MRAP: variants seen among roughly 807,000 people sequenced by gnomAD.
MRAP encodes the protein melanocortin 2 receptor accessory protein, also known as melanocortin-2 receptor accessory protein.
Under a neutral mutation model 8.7 loss-of-function variants are expected in MRAP, and 8 were observed. The ratio of observed to expected loss-of-function variants is 0.92; its 90% CI spans 0.54 to 1.66. The LOEUF (loss-of-function observed/expected upper bound fraction) is 1.66. Among genes scored for constraint, MRAP ranks in the 40% most tolerant of loss-of-function variants. The probability of loss-of-function intolerance (pLI) is 0.00; values close to 1 mark genes in which losing one functional copy is unlikely to be tolerated. For synonymous variants in MRAP, 95 were observed against 95.5 expected, an observed-to-expected ratio of 1.00 and a Z score of 0.03; for missense variants, 237 against 217.1, an observed-to-expected ratio of 1.09 and a Z score of -0.58.
chr21:32,309,565 C>T (rs562663050), intron 2 of MRAP, among the ~76,000 whole-genome samples: 2 of 150,664 alleles, frequency 1.3e-5, no homozygotes, highest in African/African-American at 4.9e-5. Flanking sequence ...TATTCTCTTG[C>T]CTCAGCCTCC....
chr21:32,314,288 G>A (rs914676416), downstream of MRAP: 13 of 392,638 alleles, frequency 3.3e-5, 1 homozygote, highest in South Asian at 1.1e-4. Context: ...AGGTTCAAGC[G>A]ATTCCCCTGC....
chr21:32,302,659 C>T (rs73901391), intron 1 of MRAP, among the ~76,000 whole-genome samples: 182 of 152,304 alleles, frequency 1.2e-3, no homozygotes, highest in African/African-American at 4.2e-3. Flanking sequence ...CATGGCTGCC[C>T]TCATCCTCAG....
chr21:32,308,063 T>C (rs1474915570), intron 2 of MRAP, among the ~76,000 whole-genome samples: 2 of 152,050 alleles, frequency 1.3e-5, no homozygotes, highest in Non-Finnish European at 2.9e-5. Context: ...GCCGGCCAGC[T>C]CACCAGGAAC....
In MRAP at chr21:32,312,061, T is replaced by C. The variant is rs1386618996; in HGVS notation, c.*65T>C. 6.2e-7 allele frequency: 1 copy of C among 1,607,230 alleles called. No homozygotes were observed. The highest frequency in any genetic ancestry group is 8.5e-7 in the Non-Finnish European group (1 of 1,179,850). ...ATCAAGCCAACCTGGACACATACGT[T>C]CCTCGTTCTTCTTAGAGGCCATTTG... On this transcript the variant is annotated 3_prime_UTR_variant, in exon 3 of 3. Coordinates refer to ENST00000303645, the MANE Select transcript of MRAP (RefSeq NM_001379228.1).
intron 2 of MRAP, chr21:32,308,772 T>TG (rs2032479209): frequency 6.5e-6 from 1 of 152,958 alleles, no homozygotes; most frequent in Non-Finnish European, 1.5e-5. Context: ...ACCTGAGGGA[T>TG]GGACCTGGTG....
rs568232488 is a variant in MRAP, at chr21:32,306,807, A to G, written c.206+68A>G. 2,049 of 1,232,216 alleles carry G rather than the reference A, an allele frequency of 1.7e-3. 34 individuals are homozygous for G. In the South Asian group the frequency reaches 0.024, roughly 14 times the overall value. The allele number at this position is 1,232,216 out of a possible 1,614,324, so 76.3% of individuals were successfully genotyped here. ...CTCCAGTGAGTAACAGTGCAGGTTG[A>G]GTATCCCTCATCCAAAATGCTGGAG... On this transcript the variant is annotated intron_variant, in intron 2 of 2. Transcript: ENST00000303645.
rs569146413 is a variant in MRAP at position 32,300,861 on chromosome 21, G to C, written c.106+1784G>C. 6.6e-5 allele frequency among the ~76,000 whole-genome samples: 10 copies of C among 151,110 alleles called. No homozygotes were observed. The East Asian group carries it at 2.0e-3, about 30-fold the overall frequency. On this transcript the variant is annotated intron_variant, in intron 1 of 2. Transcript: ENST00000303645. ...ATGTCATGCGCCCTATGTCAGGGGC[G>C]TCATGCGTCCTATGTCGGGTGTCAT...
chr21:32,294,829 G>C (rs760341931), upstream of MRAP, among the ~76,000 whole-genome samples: 59 of 151,968 alleles, frequency 3.9e-4, 1 homozygote, highest in Admixed American at 7.2e-4. Context: ...ACCATAAGCT[G>C]GTATCTCTCT....
chr21:32,299,352 G>T (rs545281042), intron 1 of MRAP, among the ~76,000 whole-genome samples: 1 of 152,052 alleles, frequency 6.6e-6, no homozygotes, highest in East Asian at 1.9e-4. Flanking sequence ...ATTTTATTTT[G>T]GAGATAGGGT....
intron 1 of MRAP, among the ~76,000 whole-genome samples, chr21:32,303,750 G>A (rs1017803500): frequency 6.6e-5 from 10 of 152,240 alleles, no homozygotes; most frequent in African/African-American, 2.2e-4. Context: ...GAGTCACACA[G>A]CTCTTGCTTT....
At chr21:32,301,625 CAT>C (rs1474616196) in intron 1 of MRAP, among the ~76,000 whole-genome samples, 1 of 152,206 alleles carries the variant, frequency 6.6e-6, no homozygotes, top group Non-Finnish European at 1.5e-5. Flanking sequence ...ATTATTCTAA[CAT>C]AGTGAGTCTC....
In MRAP at chr21:32,312,056, T is replaced by TA. The variant is rs2032594613; in HGVS notation, c.*61dup. On this transcript the variant is annotated 3_prime_UTR_variant, in exon 3 of 3. Coordinates refer to ENST00000303645, the MANE Select transcript of MRAP (RefSeq NM_001379228.1). ...GTGAAATCAAGCCAACCTGGACACATACGTTCCTCGTTCTTCTTAGAGGCC... is the reference window on the plus strand; with the variant it reads ...GTGAAATCAAGCCAACCTGGACACATAACGTTCCTCGTTCTTCTTAGAGGCC... 4 of 1,609,070 alleles carry TA rather than the reference T, an allele frequency of 2.5e-6. No individual in the cohort carries two copies. Among genetic ancestry groups the TA allele is most frequent in the Non-Finnish European group, 2.5e-6 (3 of 1,179,972 alleles).
chr21:32,312,429 G>T, downstream of MRAP: 1 of 744,942 alleles, frequency 1.3e-6, no homozygotes, highest in Non-Finnish European at 1.8e-6. Context: ...AACACCCGCC[G>T]GCTCCCCCAG....
chr21:32,294,283 T>C (rs1473070862), upstream of MRAP, among the ~76,000 whole-genome samples: 3 of 151,938 alleles, frequency 2.0e-5, no homozygotes, highest in Non-Finnish European at 4.4e-5. Flanking sequence ...CCTGGCTAAT[T>C]TTTTTGTATT....
At chr21:32,303,470 C>T (rs763388775) in intron 1 of MRAP, among the ~76,000 whole-genome samples, 3 of 152,234 alleles carry the variant, frequency 2.0e-5, no homozygotes, top group Non-Finnish European at 4.4e-5. Flanking sequence ...CCTGGCCATG[C>T]CATCCAGAAC....
downstream of MRAP, chr21:32,312,414 C>T: frequency 1.2e-6 from 1 of 868,848 alleles, no homozygotes; most frequent in African/African-American, 1.8e-5. Context: ...CATCCAAGCT[C>T]CACTAACACC....
intron 2 of MRAP, chr21:32,308,789 G>A (rs1466906248): frequency 1.3e-5 from 2 of 152,794 alleles, no homozygotes; most frequent in African/African-American, 4.8e-5. Context: ...GGTGGCTATG[G>A]GGGCTGCACT....
At chr21:32,304,954 T>G (rs559642415) in intron 1 of MRAP, among the ~76,000 whole-genome samples, 5 of 137,738 alleles carry the variant, frequency 3.6e-5, no homozygotes, top group East Asian at 2.2e-4. Flanking sequence ...GGGGGATTTG[T>G]TTTTTTTGTT....
chr21:32,301,867 T>C (rs1441177517), intron 1 of MRAP, among the ~76,000 whole-genome samples: 2 of 152,204 alleles, frequency 1.3e-5, no homozygotes, highest in African/African-American at 2.4e-5. Context: ...GAGAACAAAA[T>C]GACACTGTCA....
Sources: allele counts gnomAD v4.1 joint callset (sites outside exome capture counted in the v4.1 genomes callset), GRCh38; gene constraint gnomAD v4.1.1; transcripts MANE v1.5; gene names NCBI Gene and HGNC (gene_info 2026-07-23, HGNC 2026-07-21).